The following MDN1 variants were observed in gnomAD, a reference collection of about 807,000 sequenced individuals.
The protein encoded by MDN1 is midasin.
A neutral mutation model predicts 669.2 loss-of-function variants in MDN1; 266 were observed. The observed-to-expected ratio is 0.40, with a 90% CI of 0.36 to 0.44. The LOEUF is 0.44. Ranked by LOEUF, MDN1 falls within the 20% of genes least tolerant of loss-of-function variation. The pLI is 1.00. For synonymous variants in MDN1, 2,385 were observed against 2,457.1 expected (o/e 0.97, Z 0.87); for missense variants, 5,940 against 6,754.0 (o/e 0.88, Z 4.22).
At chr6:89,646,456 G>A in intron 100 of MDN1, 84 bp downstream of exon 100, 1 of 1,087,664 alleles carries the variant, frequency 9.2e-7, no homozygotes, top group Non-Finnish European at 1.4e-6. Context: ...CACAGTGACG[G>A]GGACACTGAG....
chr6:89,650,612 A>G (rs1263721000), intron 96 of MDN1, 120 bp downstream of exon 96: 2 of 727,236 alleles, frequency 2.8e-6, no homozygotes, highest in South Asian at 3.6e-5. Flanking sequence ...TGGTGCCTGT[A>G]CGGCACAAGC....
chr6:89,795,903 C>A (rs937737274), intron 2 of MDN1, among the ~76,000 whole-genome samples: 1 of 152,010 alleles, frequency 6.6e-6, no homozygotes, highest in Non-Finnish European at 1.5e-5. Flanking sequence ...TGCAGTGAGC[C>A]GAGATCGCAC....
chr6:89,753,408 C>T, intron 22 of MDN1, 104 bp downstream of exon 22: 1 of 854,850 alleles, frequency 1.2e-6, no homozygotes, highest in South Asian at 1.7e-5. Flanking sequence ...AACAGATTAC[C>T]TTTATAATTA....
chr6:89,781,225 A>G (rs1384236817), intron 10 of MDN1, 174 bp downstream of exon 10: 7 of 640,342 alleles, frequency 1.1e-5, no homozygotes, highest in African/African-American at 1.8e-5. Flanking sequence ...GAAGCAACCT[A>G]TAATTTCAAA....
chr6:89,743,452 G>C (rs1286955127), intron 30 of MDN1, 124 bp downstream of exon 30: 4 of 1,353,438 alleles, frequency 3.0e-6, no homozygotes, highest in East Asian at 2.3e-5. Context: ...TTGTAGACCA[G>C]AGAAAATCTG....
At chr6:89,760,735 G>A (rs552634545) in intron 17 of MDN1, among the ~76,000 whole-genome samples, 2 of 152,232 alleles carry the variant, frequency 1.3e-5, no homozygotes, top group East Asian at 3.9e-4. Flanking sequence ...AGTGAAACAA[G>A]CCAGGCACAG....
chr6:89,657,807 T>C (rs1002428760), intron 90 of MDN1, among the ~76,000 whole-genome samples: 3 of 152,198 alleles, frequency 2.0e-5, no homozygotes, highest in African/African-American at 7.2e-5. Context: ...TGTAAGATAA[T>C]AACACGTTTT....
chr6:89,795,969 A>G (rs1819570333), intron 2 of MDN1, among the ~76,000 whole-genome samples: 1 of 151,946 alleles, frequency 6.6e-6, no homozygotes, highest in African/African-American at 2.4e-5. Context: ...CAAACAAACA[A>G]TAAAGGTGGG....
intron 37 of MDN1, among the ~76,000 whole-genome samples, chr6:89,726,234 G>A (rs1273075330): frequency 6.6e-6 from 1 of 152,100 alleles, no homozygotes; most frequent in African/African-American, 2.4e-5. Flanking sequence ...GCCGAGGCAG[G>A]TGGATCACTT....
chr6:89,701,643 A>T lies in MDN1; in HGVS notation c.8342T>A (p.Ile2781Asn). The change falls in exon 55 of 102, where the codon ATT becomes AAT. Residue 2781 changes from isoleucine to asparagine, a missense_variant. Ile to Asn is a moderately radical substitution (Grantham distance 149). This residue lies in a region of MDN1 where 2,292 missense variants were observed against 2,638.3 expected (regional missense o/e 0.87). Coordinates refer to ENST00000369393, the MANE Select transcript of MDN1 (RefSeq NM_014611.3). ...AGTCTGGCTCCCCAGACAATTCTGAATATGTTCTGAGACAGTCTGAACTTC... is the reference window on the plus strand; with the variant it reads ...AGTCTGGCTCCCCAGACAATTCTGATTATGTTCTGAGACAGTCTGAACTTC... ...YKEVQTVSEH[I>N]QNCLGSQTGG... 6.2e-7 allele frequency: 1 copy of T among 1,614,162 alleles called. No individual in the cohort carries two copies. The highest frequency in any genetic ancestry group is 1.1e-5 in the South Asian group (1 of 91,072).
chr6:89,719,327 A>G, intron 40 of MDN1, 102 bp from the exon 41 acceptor site: 1 of 880,920 alleles, frequency 1.1e-6, no homozygotes, highest in Non-Finnish European at 1.8e-6. Flanking sequence ...ACTATTCTAA[A>G]AACACTGGCC....
In MDN1 at chr6:89,695,472, G is replaced by T. The variant is rs1812671704; in HGVS notation, c.9771+133C>A. On this transcript the variant is annotated intron_variant, in intron 61 of 101. Transcript: ENST00000369393. This position sits in a 1 kb window ranked among gnomAD's most constrained non-coding sequence, Gnocchi z 4.1. ...AGTCTCTAAAACAGACTCCTGGGAA[G>T]TCATAAGGCAACTTATGCAATATCA... 1 of 1,160,968 alleles carries T rather than the reference G, an allele frequency of 8.6e-7. No homozygotes were observed. The highest frequency in any genetic ancestry group is 1.2e-6 in the Non-Finnish European group (1 of 829,926). 71.9% of individuals were successfully genotyped at this position (1,160,968 alleles called of 1,614,324 possible).
Position 89,773,045 on chromosome 6 carries a change from TG to T in MDN1, c.1935-325del, listed in dbSNP as rs1168381052. Reference sequence around the variant, plus strand: ...CCTCAGTTTCCTCACCTGTAAGATGTGGGTAACAACAGTACCTAGTTGTAAT... The same window carrying T: ...CCTCAGTTTCCTCACCTGTAAGATGTGGTAACAACAGTACCTAGTTGTAAT... On this transcript the variant is annotated intron_variant, in intron 13 of 101. Coordinates refer to ENST00000369393, the MANE Select transcript of MDN1 (RefSeq NM_014611.3). Among the ~76,000 whole-genome samples, 52 of 152,298 alleles carry T rather than the reference TG, an allele frequency of 3.4e-4. No individual in the cohort carries two copies. In the East Asian group the frequency reaches 4.2e-3, roughly 12 times the overall value.
intron 69 of MDN1, 56 bp downstream of exon 69, chr6:89,686,846 C>T (rs1812043354): frequency 1.9e-6 from 3 of 1,600,344 alleles, no homozygotes; most frequent in African/African-American, 1.3e-5. Flanking sequence ...CACTTTGCAG[C>T]ACTCCATTTA....
chr6:89,706,315 G>C, intron 52 of MDN1, 123 bp from the exon 53 acceptor site: 1 of 1,058,170 alleles, frequency 9.5e-7, no homozygotes, highest in Non-Finnish European at 1.3e-6. Flanking sequence ...TCAATTTTGA[G>C]AGCAAAAGCA....
chr6:89,695,664 G>A lies in MDN1; in HGVS notation c.9712C>T (p.Gln3238Ter). The change falls in exon 61 of 102, where the codon CAG becomes TAG. Residue 3238 changes from glutamine (Q) to a stop codon, truncating the protein, a stop_gained. Coordinates refer to ENST00000369393, the MANE Select transcript of MDN1 (RefSeq NM_014611.3). LOFTEE classifies it high-confidence loss of function. The surrounding 1 kb of genome is among the most constrained non-coding windows in gnomAD (Gnocchi z 4.1). ...GLLQIQTWLPQARFDPAVKRE... is the reference protein window; with the variant it reads ...GLLQIQTWLP ...TTCACCGCAGGGTCAAAGCGTGCCT[G>A]GGGAAGCCATGTCTGAATCTGGAGC... The A allele has an allele frequency of 6.2e-7, 1 of 1,613,228 alleles. No homozygotes were observed. The highest frequency in any genetic ancestry group is 8.5e-7 in the Non-Finnish European group (1 of 1,179,702).
intron 88 of MDN1, among the ~76,000 whole-genome samples, chr6:89,660,803 A>G (rs1809692979): frequency 6.6e-6 from 1 of 152,180 alleles, no homozygotes; most frequent in Admixed American, 6.5e-5. Context: ...CTCATTTATC[A>G]GCGAGGCCAG....
chr6:89,788,851 C>A (rs747839339), intron 7 of MDN1, among the ~76,000 whole-genome samples: 1 of 152,138 alleles, frequency 6.6e-6, no homozygotes, highest in Non-Finnish European at 1.5e-5. Context: ...GAAGGCCGGG[C>A]GCGGTGGCTC....
At chr6:89,652,720 G>C (rs1188391556) in intron 94 of MDN1, among the ~76,000 whole-genome samples, 1 of 152,150 alleles carries the variant, frequency 6.6e-6, no homozygotes, top group Non-Finnish European at 1.5e-5. Context: ...AGAAAAGTGG[G>C]ATGTGAGTCC....
Sources: allele counts gnomAD v4.1 joint callset (sites outside exome capture counted in the v4.1 genomes callset), GRCh38; gene constraint gnomAD v4.1.1; regional missense constraint gnomAD v4.1.1; non-coding constraint Gnocchi (gnomAD v3.1); transcripts MANE v1.5; gene names NCBI Gene and HGNC (gene_info 2026-07-23, HGNC 2026-07-21).